RER1: variants seen among roughly 807,000 people sequenced by gnomAD.
RER1 encodes the protein retention in endoplasmic reticulum sorting receptor 1, also known as protein RER1.
Under a neutral mutation model 28.3 loss-of-function variants are expected in RER1, and 6 were observed. That is an observed-to-expected ratio of 0.21 (90% CI 0.12 to 0.42). RER1 has a LOEUF of 0.42. RER1 is among the 10% of genes least tolerant of loss of function. The probability of loss-of-function intolerance (pLI) is 1.00; values close to 1 mark genes in which losing one functional copy is unlikely to be tolerated. For missense variants in RER1, 159 were observed against 252.9 expected (o/e 0.63, Z 2.52); for synonymous variants, 110 against 95.9 (o/e 1.15, Z -0.86).
At chr1:2,401,305 C>CGCCTCCTCCCTCCTTCCT (rs1642851090) in intron 5 of RER1, among the ~76,000 whole-genome samples, 1 of 48,946 alleles carries the variant, frequency 2.0e-5, no homozygotes, top group Non-Finnish European at 4.3e-5. Context: ...TCCTTCCTGC[C>CGCCTCCTCCCTCCTTCCT]GCCTCCTCCC....
chr1:2,401,526 C>T (rs1642863481), intron 5 of RER1, among the ~76,000 whole-genome samples: 1 of 149,928 alleles, frequency 6.7e-6, no homozygotes, highest in African/African-American at 2.5e-5. Context: ...TCCGTGTCTG[C>T]ACGGGTAGGC....
chr1:2,397,083 C>G, intron 2 of RER1, 33 bp from the exon 3 acceptor site: 1 of 1,471,414 alleles, frequency 6.8e-7, no homozygotes, highest in Non-Finnish European at 9.5e-7. Context: ...GTTACAGGAC[C>G]TGCTTCATGC....
intron 5 of RER1, chr1:2,401,957 T>C: frequency 7.1e-7 from 1 of 1,413,820 alleles, no homozygotes; most frequent in Non-Finnish European, 9.4e-7. Flanking sequence ...GCTTTATACT[T>C]TGTGTAGTTT....
Position 2,399,393 on chromosome 1 carries a change from ACT to A in RER1, c.187-17_187-16del. 9.3e-6 allele frequency: 13 copies of A among 1,391,192 alleles called. No individual in the cohort carries two copies. Among genetic ancestry groups the A allele is most frequent in the South Asian group, 6.9e-5 (6 of 86,460 alleles). 86.2% of individuals were successfully genotyped at this position (1,391,192 alleles called of 1,614,324 possible). A position where few individuals can be genotyped will look rare whatever the true frequency, so the allele number is the denominator to read the frequency against. ...GATGGACGGTCAGAGTGCACCACTG[ACT>A]CTCTTTCCTTCTCTTTCAGGGTTGG... On this transcript the variant is annotated intron_variant, in intron 3 of 6. Coordinates refer to ENST00000605895, the MANE Select transcript of RER1 (RefSeq NM_007033.5).
rs1051893359 is a variant in RER1, at chr1:2,404,926, G to A, written c.*1802G>A. 1.3e-5 allele frequency: 2 copies of A among 152,936 alleles called. No individual in the cohort carries two copies. Among genetic ancestry groups the A allele is most frequent in the Admixed American group, 1.3e-4 (2 of 15,306 alleles). The allele number at this position is 152,936 out of a possible 1,614,324, so 9.5% of individuals were successfully genotyped here. On this transcript the variant is annotated 3_prime_UTR_variant, in exon 7 of 7. Transcript: ENST00000605895. Reference sequence around the variant, plus strand: ...TCAAATGGAGGCGGGAAATAGGCTGGGGCCGAGCTGAGGGGCTGAACACAG... The same window carrying A: ...TCAAATGGAGGCGGGAAATAGGCTGAGGCCGAGCTGAGGGGCTGAACACAG...
Position 2,404,358 on chromosome 1 carries a change from T to C in RER1, c.*1234T>C, listed in dbSNP as rs556510984. 6.6e-6 allele frequency: 1 copy of C among 152,406 alleles called. No homozygotes were observed. Among genetic ancestry groups the C allele is most frequent in the Non-Finnish European group, 1.5e-5 (1 of 68,056 alleles). The allele number at this position is 152,406 out of a possible 1,614,324, so 9.4% of individuals were successfully genotyped here. On this transcript the variant is annotated 3_prime_UTR_variant, in exon 7 of 7. Coordinates refer to ENST00000605895, the MANE Select transcript of RER1 (RefSeq NM_007033.5). ...TACTTCTGGTACCGTGTTGAGACACTTGGGATTCTCAGACTGTGGACAGGA... is the reference window on the plus strand; with the variant it reads ...TACTTCTGGTACCGTGTTGAGACACCTGGGATTCTCAGACTGTGGACAGGA...
Position 2,404,100 on chromosome 1 carries a change from G to A in RER1, c.*976G>A, listed in dbSNP as rs1156642625. On this transcript the variant is annotated 3_prime_UTR_variant, in exon 7 of 7. Coordinates refer to ENST00000605895, the MANE Select transcript of RER1 (RefSeq NM_007033.5). ...TATTGCACAGCAGAACATCACAGCTGTGGTCCCAGATGAGACACTGACATG... is the reference window on the plus strand; with the variant it reads ...TATTGCACAGCAGAACATCACAGCTATGGTCCCAGATGAGACACTGACATG... 1 of 152,268 alleles carries A rather than the reference G, an allele frequency of 6.6e-6. No homozygotes were observed. The highest frequency in any genetic ancestry group is 1.5e-5 in the Non-Finnish European group (1 of 68,056). 9.4% of individuals were successfully genotyped at this position (152,268 alleles called of 1,614,324 possible). A position where few individuals can be genotyped will look rare whatever the true frequency, so the allele number is the denominator to read the frequency against.
chr1:2,404,789 G>A lies in RER1; in HGVS notation c.*1665G>A, dbSNP rs992114362. ...AACACTGCGCTTCAGGAAATCTCAA[G>A]TTCCATCTTGTGTTAGTAACGTACC... On this transcript the variant is annotated 3_prime_UTR_variant, in exon 7 of 7. Transcript: ENST00000605895. 6.6e-6 allele frequency: 1 copy of A among 152,432 alleles called. No individual in the cohort carries two copies. The highest frequency in any genetic ancestry group is 6.5e-5 in the Admixed American group (1 of 15,290). The allele number at this position is 152,432 out of a possible 1,614,324, so 9.4% of individuals were successfully genotyped here. A position where few individuals can be genotyped will look rare whatever the true frequency, so the allele number is the denominator to read the frequency against.
Position 2,404,477 on chromosome 1 carries a change from A to G in RER1, c.*1353A>G, listed in dbSNP as rs976109602. ...GCGCTTGGCCAGAGCACAGTGAAGC[A>G]AAGGACTGGGTGCTGATGGATGGAG... is the stretch of plus-strand genomic sequence containing the variant. On this transcript the variant is annotated 3_prime_UTR_variant, in exon 7 of 7. Transcript: ENST00000605895. 3.3e-5 allele frequency: 5 copies of G among 152,256 alleles called. No individual in the cohort carries two copies. The highest frequency in any genetic ancestry group is 5.9e-5 in the Non-Finnish European group (4 of 68,056). The allele number at this position is 152,256 out of a possible 1,614,324, so 9.4% of individuals were successfully genotyped here. A position where few individuals can be genotyped will look rare whatever the true frequency, so the allele number is the denominator to read the frequency against.
At position 2,395,828 on chromosome 1, in the gene RER1, G is replaced by A. The variant is rs777082874; in HGVS notation, c.38G>A (p.Gly13Glu). 6.2e-7 allele frequency: 1 copy of A among 1,614,126 alleles called. No individual in the cohort carries two copies. Residue 13 changes from glycine to glutamate, a missense_variant, in exon 2 of 7, where the codon GGG (glycine) becomes GAG (glutamate). Gly to Glu is a moderately conservative substitution (Grantham distance 98, BLOSUM62 -2). Transcript: ENST00000605895. ...EGDSVGESVH[G>E]KPSVVYRFFT... The stretch of plus-strand genomic sequence containing the variant: ...GACAGTGTGGGAGAATCCGTCCATG[G>A]GAAACCTTCGGTGGTGTACAGATTT...
chr1:2,401,536 C>G (rs952764823), intron 5 of RER1, among the ~76,000 whole-genome samples: 1 of 150,112 alleles, frequency 6.7e-6, no homozygotes, highest in African/African-American at 2.5e-5. Context: ...CACGGGTAGG[C>G]AGAGGTGGGT....
In RER1 at chr1:2,403,989, C is replaced by G. The variant is rs1485862624; in HGVS notation, c.*865C>G. 6.6e-6 allele frequency: 1 copy of G among 152,232 alleles called. No homozygotes were observed. Among genetic ancestry groups the G allele is most frequent in the Non-Finnish European group, 1.5e-5 (1 of 68,032 alleles). 9.4% of individuals were successfully genotyped at this position (152,232 alleles called of 1,614,324 possible). On this transcript the variant is annotated 3_prime_UTR_variant, in exon 7 of 7. Transcript: ENST00000605895. ...TTTTACCAAGTGATTTTACCTCCAC[C>G]TTTACTAAAGTCTTTACCTAAAACA...
rs147154168 is a variant in RER1, at chr1:2,399,215, T to C, written c.187-200T>C. On this transcript the variant is annotated intron_variant, in intron 3 of 6. Coordinates refer to ENST00000605895, the MANE Select transcript of RER1 (RefSeq NM_007033.5). The stretch of plus-strand genomic sequence containing the variant: ...CCCTTGCTTGTCCGCTTTGTCTCTG[T>C]TCCCACAGAGTATAATTTGAGATAA... Among the ~76,000 whole-genome samples, 496 of 152,368 alleles carry C rather than the reference T, an allele frequency of 3.3e-3. 4 individuals are homozygous for C. The highest frequency in any genetic ancestry group is 0.011 in the African/African-American group (466 of 41,580).
rs1339528538 is a variant in RER1 at position 2,403,020 on chromosome 1, T to G, written c.502-15T>G. The G allele has an allele frequency of 1.2e-6, 2 of 1,607,588 alleles. No individual in the cohort carries two copies. The highest frequency in any genetic ancestry group is 3.4e-5 in the Admixed American group (2 of 59,654). On this transcript the variant is annotated splice_polypyrimidine_tract_variant and intron_variant, in intron 6 of 6. Coordinates refer to ENST00000605895, the MANE Select transcript of RER1 (RefSeq NM_007033.5). ...AGCGGTTGTGCAGTAACTGAGTCTGTGTTTCTCTCCCCAGCACATGATTAA... is the reference window on the plus strand; with the variant it reads ...AGCGGTTGTGCAGTAACTGAGTCTGGGTTTCTCTCCCCAGCACATGATTAA...
rs2100390990 is a variant in RER1, at chr1:2,391,916, G to C, written c.-50G>C. On this transcript the variant is annotated 5_prime_UTR_variant, in exon 1 of 7. Coordinates refer to ENST00000605895, the MANE Select transcript of RER1 (RefSeq NM_007033.5). Reference sequence around the variant, plus strand: ...CGTGCCCCGCCGTCCTCCTTCCCGCGGCCGTGAGGGAGACCGCGGCTCGGC... The same window carrying C: ...CGTGCCCCGCCGTCCTCCTTCCCGCCGCCGTGAGGGAGACCGCGGCTCGGC... 1 of 199,986 alleles carries C rather than the reference G, an allele frequency of 5.0e-6. No individual in the cohort carries two copies. The highest frequency in any genetic ancestry group is 1.1e-4 in the East Asian group (1 of 9,100). The allele number at this position is 199,986 out of a possible 1,614,324, so 12.4% of individuals were successfully genotyped here.
intron 3 of RER1, among the ~76,000 whole-genome samples, chr1:2,398,630 C>CCG (rs1304772193): frequency 2.0e-5 from 3 of 152,256 alleles, no homozygotes; most frequent in Non-Finnish European, 1.5e-5. Flanking sequence ...CTCAGGTGAT[C>CCG]CACCCGCCTT....
chr1:2,397,744 T>C (rs1642789341), intron 3 of RER1, among the ~76,000 whole-genome samples: 1 of 152,182 alleles, frequency 6.6e-6, no homozygotes, highest in Non-Finnish European at 1.5e-5. Flanking sequence ...CTTCGTGTGT[T>C]TTCGGGCACC....
chr1:2,392,236 C>A (rs909961269), intron 1 of RER1, among the ~76,000 whole-genome samples: 4 of 152,112 alleles, frequency 2.6e-5, no homozygotes, highest in Admixed American at 6.5e-5. Context: ...GCGGGGGCTG[C>A]AGCCCTCGAG....
chr1:2,402,141 G>T, intron 5 of RER1, 66 bp from the exon 6 acceptor site: 1 of 1,613,994 alleles, frequency 6.2e-7, no homozygotes, highest in South Asian at 1.1e-5. Flanking sequence ...TGCAAGGCTG[G>T]AGGCGGCCGG....
Sources: allele counts gnomAD v4.1 joint callset (sites outside exome capture counted in the v4.1 genomes callset), GRCh38; gene constraint gnomAD v4.1.1; transcripts MANE v1.5; gene names NCBI Gene and HGNC (gene_info 2026-07-23, HGNC 2026-07-21).